The following SMAD1 variants were observed in gnomAD, a reference collection of about 807,000 sequenced individuals.
SMAD1 encodes SMAD family member 1, also known as MAD, mothers against decapentaplegic homolog 1.
Under a neutral mutation model 41.6 loss-of-function variants are expected in SMAD1, and 6 were observed. The ratio of observed to expected loss-of-function variants is 0.14; its 90% CI spans 0.08 to 0.28. The LOEUF (loss-of-function observed/expected upper bound fraction) is 0.28. Among genes scored for constraint, SMAD1 ranks in the 10% least tolerant of loss-of-function variants. SMAD1 has a pLI of 1.00. For synonymous variants in SMAD1, 206 were observed against 203.2 expected, an observed-to-expected ratio of 1.01 and a Z score of -0.12; for missense variants, 379 against 582.6, an observed-to-expected ratio of 0.65 and a Z score of 3.60.
intron 1 of SMAD1, among the ~76,000 whole-genome samples, chr4:145,498,967 G>C (rs1293800070): frequency 6.6e-6 from 1 of 152,136 alleles, no homozygotes; most frequent in Non-Finnish European, 1.5e-5. Context: ...TCAAGCCGTG[G>C]CTGGTTTTTC....
chr4:145,519,723 C>G (rs190413479), intron 2 of SMAD1, among the ~76,000 whole-genome samples: 1 of 151,940 alleles, frequency 6.6e-6, no homozygotes, highest in East Asian at 1.9e-4. Context: ...AGTCACCATG[C>G]TGTGCAATAG....
At chr4:145,555,402 C>A (rs1433855679) in intron 6 of SMAD1, among the ~76,000 whole-genome samples, 1 of 152,064 alleles carries the variant, frequency 6.6e-6, no homozygotes, top group Non-Finnish European at 1.5e-5. Flanking sequence ...GTTTTTTCTG[C>A]CATTTTAACT....
intron 6 of SMAD1, among the ~76,000 whole-genome samples, chr4:145,557,195 A>G (rs1441918399): frequency 1.3e-5 from 2 of 152,188 alleles, no homozygotes; most frequent in Admixed American, 1.3e-4. Context: ...GTCTTAATGC[A>G]CTAATTCTGC....
chr4:145,522,846 A>G (rs1011600414), intron 2 of SMAD1, among the ~76,000 whole-genome samples: 2 of 151,256 alleles, frequency 1.3e-5, no homozygotes, highest in African/African-American at 2.4e-5. Context: ...TGCCCAACTA[A>G]TTTTTGTATT....
intron 2 of SMAD1, among the ~76,000 whole-genome samples, chr4:145,526,923 T>G (rs2126466843): frequency 6.6e-6 from 1 of 152,238 alleles, no homozygotes; most frequent in African/African-American, 2.4e-5. Flanking sequence ...ACCCATAAAA[T>G]GGGGGAGTGG....
intron 4 of SMAD1, chr4:145,544,071 C>A (rs748849582): frequency 1.3e-5 from 2 of 152,102 alleles, no homozygotes; most frequent in Non-Finnish European, 2.9e-5. Context: ...AGGATGTACA[C>A]CATAAGTGAA....
At chr4:145,523,559 CT>C (rs1730871693) in intron 2 of SMAD1, among the ~76,000 whole-genome samples, 2 of 151,990 alleles carry the variant, frequency 1.3e-5, no homozygotes, top group African/African-American at 2.4e-5. Context: ...TACAAATATA[CT>C]ATGTATATTT....
At chr4:145,528,700 G>T (rs549771996) in intron 2 of SMAD1, among the ~76,000 whole-genome samples, 16 of 152,140 alleles carry the variant, frequency 1.1e-4, no homozygotes, top group Non-Finnish European at 1.9e-4. Flanking sequence ...CATATCAATC[G>T]TGCAATAGAT....
rs962854783 is a variant in SMAD1 at position 145,482,266 on chromosome 4, C to A, written c.-177+228C>A. Among the ~76,000 whole-genome samples the A allele has an allele frequency of 6.8e-6, 1 of 147,800 alleles. No individual in the cohort carries two copies. The highest frequency in any genetic ancestry group is 6.7e-5 in the Admixed American group (1 of 14,940). ...GGCGCCTCCCGTCTGCTCGGAGGAGCGAACCTGCTACCACGTCTTCTCGCG... is the reference window on the plus strand; with the variant it reads ...GGCGCCTCCCGTCTGCTCGGAGGAGAGAACCTGCTACCACGTCTTCTCGCG... On this transcript the variant is annotated intron_variant, in intron 1 of 6. Transcript: ENST00000302085. The surrounding 1 kb of genome is among the most constrained non-coding windows in gnomAD (Gnocchi z 4.2).
chr4:145,490,231 CA>C (rs57612157), intron 1 of SMAD1, among the ~76,000 whole-genome samples: 12,724 of 152,136 alleles, frequency 0.084, 924 homozygotes, highest in African/African-American at 0.18. Context: ...GCACAAGTGA[CA>C]AATGTTGACC....
At chr4:145,521,142 T>C (rs1730721167) in intron 2 of SMAD1, among the ~76,000 whole-genome samples, 1 of 152,240 alleles carries the variant, frequency 6.6e-6, no homozygotes, top group Non-Finnish European at 1.5e-5. Context: ...ACTTGGACTT[T>C]TACTAGCCTT....
At chr4:145,532,806 C>G (rs139097525) in intron 2 of SMAD1, among the ~76,000 whole-genome samples, 246 of 152,306 alleles carry the variant, frequency 1.6e-3, no homozygotes, top group African/African-American at 5.5e-3. Context: ...ACTGCTCACC[C>G]TCTCTCCCTT....
chr4:145,535,475 ATCTG>A (rs759046239), intron 2 of SMAD1, among the ~76,000 whole-genome samples: 3 of 152,206 alleles, frequency 2.0e-5, no homozygotes, highest in Non-Finnish European at 4.4e-5. Flanking sequence ...TGGTGTTGTT[ATCTG>A]TCAAACCACA....
intron 1 of SMAD1, among the ~76,000 whole-genome samples, chr4:145,495,686 G>C (rs1489681341): frequency 2.0e-5 from 3 of 146,650 alleles, no homozygotes; most frequent in Admixed American, 1.4e-4. Flanking sequence ...GGTGATCACA[G>C]CTGATTGTAA....
chr4:145,515,174 G>GTGTGTGTGTGTC (rs1553945868), intron 2 of SMAD1, among the ~76,000 whole-genome samples, 161 bp downstream of exon 2: 1 of 150,228 alleles, frequency 6.7e-6, no homozygotes, highest in Admixed American at 6.6e-5. Context: ...GTGTGTGTGT[G>GTGTGTGTGTGTC]TGTCTGTGTG....
Position 145,558,439 on chromosome 4 carries a change from T to C in SMAD1, c.*505T>C, listed in dbSNP as rs1302429472. Among the ~76,000 whole-genome samples the C allele has an allele frequency of 6.6e-6, 1 of 152,202 alleles. No homozygotes were observed. Among genetic ancestry groups the C allele is most frequent in the Non-Finnish European group, 1.5e-5 (1 of 68,018 alleles). ...ATGGTTTTGTTCGTTTAAGTAAAGG[T>C]TAATCTTGATGATATACATAATAAT... On this transcript the variant is annotated 3_prime_UTR_variant, in exon 7 of 7. Coordinates refer to ENST00000302085, the MANE Select transcript of SMAD1 (RefSeq NM_005900.3).
chr4:145,540,773 T>C (rs1183663063), intron 3 of SMAD1, among the ~76,000 whole-genome samples: 1 of 149,822 alleles, frequency 6.7e-6, no homozygotes, highest in African/African-American at 2.4e-5. Context: ...TTCTTGCCAG[T>C]AGACTTTAAG....
intron 1 of SMAD1, among the ~76,000 whole-genome samples, chr4:145,506,089 C>T (rs1041404660): frequency 6.6e-6 from 1 of 152,108 alleles, no homozygotes; most frequent in Admixed American, 6.5e-5. Context: ...GATCCCCCCT[C>T]CTCGGTCTCC....
chr4:145,524,462 T>G (rs1309506917), intron 2 of SMAD1, among the ~76,000 whole-genome samples: 1 of 152,224 alleles, frequency 6.6e-6, no homozygotes, highest in African/African-American at 2.4e-5. Flanking sequence ...TAAGTTGTTA[T>G]ACATCGATGG....
Sources: gnomAD v4.1 joint callset for allele counts (sites outside exome capture counted in the v4.1 genomes callset) on GRCh38, gnomAD v4.1.1 for gene constraint, Gnocchi (gnomAD v3.1) non-coding constraint, MANE v1.5 for transcripts, NCBI Gene and HGNC (gene_info 2026-07-23, HGNC 2026-07-21) for gene names.